Variants in UNC13C observed in about 807,000 individuals in gnomAD.
UNC13C encodes the protein protein unc-13 homolog C.
Under a neutral mutation model 245.4 loss-of-function variants are expected in UNC13C, and 174 were observed. The observed-to-expected ratio is 0.71, with a 90% CI of 0.63 to 0.80. The LOEUF (loss-of-function observed/expected upper bound fraction) is 0.80, where lower values mean the gene tolerates loss of function less well. UNC13C is among the 30% of genes least tolerant of loss of function. UNC13C has a pLI of 0.00. For missense variants in UNC13C, 2,829 were observed against 2,602.9 expected (o/e 1.09, Z -1.89); for synonymous variants, 992 against 895.1 (o/e 1.11, Z -1.93).
intron 7 of UNC13C, among the ~76,000 whole-genome samples, chr15:54,247,877 A>G (rs529297800): frequency 1.3e-5 from 2 of 152,128 alleles, no homozygotes; most frequent in South Asian, 2.1e-4. Context: ...TCAGCTGTTT[A>G]TTCAGAGCTT....
the UNC13C span, among the ~76,000 whole-genome samples, chr15:53,906,881 G>T: frequency 6.6e-6 from 1 of 152,194 alleles, no homozygotes; most frequent in East Asian, 1.9e-4. Context: ...GGAGAGAAGA[G>T]TGAAGGAAGA....
intron 26 of UNC13C, among the ~76,000 whole-genome samples, chr15:54,541,481 C>T (rs951285054): frequency 2.0e-5 from 3 of 151,978 alleles, no homozygotes; most frequent in Admixed American, 6.6e-5. Context: ...AGGCCAGGGT[C>T]ATATGATAGT....
chr15:54,396,389 C>A (rs2040070398), intron 18 of UNC13C, among the ~76,000 whole-genome samples: 1 of 151,620 alleles, frequency 6.6e-6, no homozygotes, highest in East Asian at 1.9e-4. Flanking sequence ...TTATTCATTA[C>A]AACTATTTTG....
chr15:54,310,182 G>T (rs2037832504), intron 13 of UNC13C, among the ~76,000 whole-genome samples: 1 of 151,578 alleles, frequency 6.6e-6, no homozygotes, highest in Non-Finnish European at 1.5e-5. Flanking sequence ...GGTTGTACTT[G>T]TAATCCTATT....
intron 1 of UNC13C, among the ~76,000 whole-genome samples, chr15:53,987,258 TG>T: frequency 6.7e-6 from 1 of 149,380 alleles, no homozygotes; most frequent in Non-Finnish European, 1.5e-5. Context: ...AATGGCTGTC[TG>T]GGTAATTCAA....
At chr15:54,430,457 ATT>A (rs201675952) in intron 19 of UNC13C, among the ~76,000 whole-genome samples, 1 of 150,284 alleles carries the variant, frequency 6.7e-6, no homozygotes, top group African/African-American at 2.4e-5. Flanking sequence ...ATATGTTTGG[ATT>A]TTTTTTTGCT....
chr15:54,237,598 T>A (rs1197802955), intron 6 of UNC13C, 21 bp from the exon 7 acceptor site: 2 of 1,599,640 alleles, frequency 1.3e-6, no homozygotes, highest in African/African-American at 1.3e-5. Context: ...TATTAATAAG[T>A]CATAATTCTG....
At chr15:54,549,734 G>C in intron 28 of UNC13C, 43 bp downstream of exon 28, 1 of 1,288,624 alleles carries the variant, frequency 7.8e-7, no homozygotes, top group East Asian at 2.4e-5. Context: ...AAAGTAGTGA[G>C]TTAACTACAG....
chr15:54,336,136 T>G (rs1268048925), intron 16 of UNC13C, among the ~76,000 whole-genome samples: 1 of 152,106 alleles, frequency 6.6e-6, no homozygotes, highest in East Asian at 1.9e-4. Flanking sequence ...TTTCTTACTG[T>G]TAAGGGCATT....
intron 17 of UNC13C, among the ~76,000 whole-genome samples, chr15:54,338,701 C>T (rs998727874): frequency 6.6e-6 from 1 of 151,960 alleles, no homozygotes; most frequent in Non-Finnish European, 1.5e-5. Flanking sequence ...CTAGTAAAGG[C>T]ACATATTATT....
intron 20 of UNC13C, among the ~76,000 whole-genome samples, chr15:54,496,854 C>T (rs1893972415): frequency 6.6e-6 from 1 of 152,022 alleles, no homozygotes; most frequent in Non-Finnish European, 1.5e-5. Context: ...AAAGACTACA[C>T]ATTGGGTACA....
chr15:54,088,339 G>A (rs1038584289), intron 2 of UNC13C, among the ~76,000 whole-genome samples: 1 of 151,528 alleles, frequency 6.6e-6, no homozygotes, highest in Non-Finnish European at 1.5e-5. Context: ...CCAGTTTGAG[G>A]CAAGTCAGTC....
rs1232919187 is a variant in UNC13C, at chr15:54,013,370, G to A, written c.467G>A (p.Ser156Asn). The change falls in exon 2 of 33, where the codon AGT becomes AAT. Residue 156 changes from serine (S) to asparagine (N), a missense_variant. Ser to Asn is a conservative substitution (Grantham distance 46, BLOSUM62 1). Coordinates refer to ENST00000260323, the MANE Select transcript of UNC13C (RefSeq NM_001080534.3). ...HTMPVRRNRK[S>N]SSSLAPSEGS... ...ATGCCAGTTAGACGCAACAGAAAGA[G>A]TTCAAGCAGCCTTGCACCCTCTGAG... is the stretch of plus-strand genomic sequence containing the variant. 3 of 1,613,880 alleles carry A rather than the reference G, an allele frequency of 1.9e-6. No homozygotes were observed. The East Asian group carries it at 6.7e-5, about 36-fold the overall frequency.
intron 4 of UNC13C, among the ~76,000 whole-genome samples, chr15:54,208,574 G>T (rs1241285124): frequency 6.6e-6 from 1 of 152,018 alleles, no homozygotes; most frequent in Non-Finnish European, 1.5e-5. Context: ...AGAAATGATA[G>T]ATAATAAAAT....
At chr15:54,056,797 C>T (rs1001585277) in intron 2 of UNC13C, among the ~76,000 whole-genome samples, 1 of 152,060 alleles carries the variant, frequency 6.6e-6, no homozygotes, top group Non-Finnish European at 1.5e-5. Flanking sequence ...GAGAGTGGGG[C>T]CCAATATTAA....
chr15:54,131,225 C>T (rs529778818), intron 2 of UNC13C, among the ~76,000 whole-genome samples: 16 of 152,240 alleles, frequency 1.1e-4, no homozygotes, highest in African/African-American at 3.6e-4. Context: ...AGGGAAGAAT[C>T]CTTCCATGTG....
chr15:53,870,307 A>G, the UNC13C span, among the ~76,000 whole-genome samples: 1 of 152,194 alleles, frequency 6.6e-6, no homozygotes, highest in Non-Finnish European at 1.5e-5. Context: ...ATTTTTCTAT[A>G]ATATTAACAT....
intron 25 of UNC13C, among the ~76,000 whole-genome samples, chr15:54,526,848 C>T (rs1895491160): frequency 1.3e-5 from 2 of 150,304 alleles, no homozygotes; most frequent in Non-Finnish European, 1.5e-5. Flanking sequence ...TATTAATAAA[C>T]ATTTATCAAT....
chr15:54,203,321 A>G (rs960260222), intron 4 of UNC13C, among the ~76,000 whole-genome samples: 1 of 151,712 alleles, frequency 6.6e-6, no homozygotes, highest in African/African-American at 2.4e-5. Context: ...CAATCCCACT[A>G]CTAAGTGTCT....
Sources: gnomAD v4.1 joint callset for allele counts (sites outside exome capture counted in the v4.1 genomes callset) on GRCh38, gnomAD v4.1.1 for gene constraint, MANE v1.5 for transcripts, NCBI Gene and HGNC (gene_info 2026-07-23, HGNC 2026-07-21) for gene names.